Variants in P2RY12 observed in about 807,000 individuals in gnomAD.
P2RY12 encodes the protein P2Y purinoceptor 12.
In P2RY12, 3 loss-of-function variants were observed where a neutral mutation model predicts 4.5. The observed-to-expected ratio is 0.67, with a 90% CI of 0.31 to 1.74. P2RY12 has a LOEUF of 1.74. Ranked by LOEUF, P2RY12 falls within the 40% of genes most tolerant of loss-of-function variation. P2RY12 has a pLI of 0.09. For missense variants in P2RY12, 356 were observed against 407.8 expected, an observed-to-expected ratio of 0.87 and a Z score of 1.09; for synonymous variants, 148 against 154.1, an observed-to-expected ratio of 0.96 and a Z score of 0.29.
intron 1 of P2RY12, among the ~76,000 whole-genome samples, chr3:151,360,319 T>C (rs1299327576): frequency 6.6e-6 from 1 of 152,184 alleles, no homozygotes; most frequent in African/African-American, 2.4e-5. Context: ...AAAAATTATA[T>C]TGTACTGAGT....
chr3:151,380,722 A>T (rs1712148630), intron 1 of P2RY12, among the ~76,000 whole-genome samples: 1 of 152,198 alleles, frequency 6.6e-6, no homozygotes. Flanking sequence ...CTTTATATTA[A>T]TGAGATATAT....
chr3:151,361,730 C>T (rs151046232), intron 1 of P2RY12, among the ~76,000 whole-genome samples: 1 of 152,194 alleles, frequency 6.6e-6, no homozygotes, highest in African/African-American at 2.4e-5. Flanking sequence ...GTGCTTTGCT[C>T]TTGAAATCAC....
At chr3:151,374,479 C>T (rs1488191949) in intron 1 of P2RY12, among the ~76,000 whole-genome samples, 3 of 152,184 alleles carry the variant, frequency 2.0e-5, no homozygotes, top group East Asian at 1.9e-4. Context: ...AACTGGGAGG[C>T]GGAGGTTGCA....
chr3:151,360,723 C>A, intron 1 of P2RY12: 1 of 939,862 alleles, frequency 1.1e-6, no homozygotes, highest in Non-Finnish European at 1.6e-6. Flanking sequence ...ATCTATTAGG[C>A]AGTAATTTTG....
chr3:151,379,563 A>C (rs1417247186), intron 1 of P2RY12, among the ~76,000 whole-genome samples: 19 of 152,222 alleles, frequency 1.2e-4, no homozygotes, highest in Admixed American at 1.2e-3. Flanking sequence ...AGGGGTCGCC[A>C]GCAAGTACAC....
intron 1 of P2RY12, among the ~76,000 whole-genome samples, chr3:151,368,971 C>T (rs368404029): frequency 6.6e-6 from 1 of 152,044 alleles, no homozygotes; most frequent in South Asian, 2.1e-4. Flanking sequence ...CTGTGTTGGC[C>T]AGACTGGTCT....
chr3:151,338,963 GGTTT>G, intron 2 of P2RY12, 104 bp from the exon 3 acceptor site: 1 of 975,376 alleles, frequency 1.0e-6, no homozygotes, highest in Non-Finnish European at 1.6e-6. Flanking sequence ...TAAAAGTTGA[GGTTT>G]CTCATCTTCA....
chr3:151,355,948 A>G (rs754105411), intron 1 of P2RY12: 10 of 1,614,016 alleles, frequency 6.2e-6, no homozygotes, highest in East Asian at 2.2e-5. Flanking sequence ...GGAACATCCT[A>G]TCATCTCCCT....
chr3:151,364,455 A>T (rs1755034249), intron 1 of P2RY12, among the ~76,000 whole-genome samples: 4 of 152,304 alleles, frequency 2.6e-5, no homozygotes, highest in South Asian at 4.1e-4. Context: ...ATGTAAGTTC[A>T]TTGAAGACAA....
At chr3:151,339,307 C>T (rs563624922) in intron 2 of P2RY12, among the ~76,000 whole-genome samples, 90 of 151,444 alleles carry the variant, frequency 5.9e-4, no homozygotes, top group African/African-American at 2.0e-3. Flanking sequence ...ACTGTAGTAC[C>T]GTCAAAACAG....
rs1751197118 is a variant in P2RY12, at chr3:151,337,718, A to C, written c.*99T>G. On this transcript the variant is annotated 3_prime_UTR_variant, in exon 3 of 3. Coordinates refer to ENST00000302632, the MANE Select transcript of P2RY12 (RefSeq NM_022788.5). Reference sequence around the variant, plus strand: ...CTGTTTCTTTAGAGTCATTATTATTAACTTAGTTGCTTCTTCGTCAGTTAA... The same window carrying C: ...CTGTTTCTTTAGAGTCATTATTATTCACTTAGTTGCTTCTTCGTCAGTTAA... 1.2e-5 allele frequency: 14 copies of C among 1,177,546 alleles called. No individual in the cohort carries two copies. Among genetic ancestry groups the C allele is most frequent in the Non-Finnish European group, 1.5e-5 (12 of 813,986 alleles). 72.9% of individuals were successfully genotyped at this position (1,177,546 alleles called of 1,614,324 possible). A position where few individuals can be genotyped will look rare whatever the true frequency, so the allele number is the denominator to read the frequency against.
chr3:151,372,415 T>A (rs1756302708), intron 1 of P2RY12: 6 of 618,230 alleles, frequency 9.7e-6, no homozygotes, highest in Non-Finnish European at 1.7e-5. Flanking sequence ...TTTATGCTCT[T>A]GATCCATTCT....
chr3:151,384,424 A>G (rs180804986), intron 1 of P2RY12, among the ~76,000 whole-genome samples: 2 of 152,382 alleles, frequency 1.3e-5, no homozygotes, highest in Non-Finnish European at 2.9e-5. Context: ...AAACAATTAC[A>G]TTATAAAACA....
At chr3:151,344,057 C>G (rs1752237762) in intron 1 of P2RY12, among the ~76,000 whole-genome samples, 2 of 152,000 alleles carry the variant, frequency 1.3e-5, no homozygotes, top group African/African-American at 4.8e-5. Flanking sequence ...CAACAGGTTC[C>G]AAAAGTAACG....
chr3:151,345,587 G>A (rs945729981), intron 1 of P2RY12, among the ~76,000 whole-genome samples: 33 of 144,288 alleles, frequency 2.3e-4, no homozygotes, highest in African/African-American at 7.2e-4. Context: ...GCACCATCTC[G>A]GCTCACTGCA....
chr3:151,383,301 G>A lies in P2RY12; in HGVS notation c.-180+1391C>T, dbSNP rs1162798249. Among the ~76,000 whole-genome samples, 3 of 152,316 alleles carry A rather than the reference G, an allele frequency of 2.0e-5. No individual in the cohort carries two copies. The East Asian group carries it at 5.8e-4, about 29-fold the overall frequency. On this transcript the variant is annotated intron_variant, in intron 1 of 2. Coordinates refer to ENST00000302632, the MANE Select transcript of P2RY12 (RefSeq NM_022788.5). Reference sequence around the variant, plus strand: ...TGTTTCTAACCTTGTCCCAACACGTGAACTGGTAGGTGTGCGGGCCAAGCC... The same window carrying A: ...TGTTTCTAACCTTGTCCCAACACGTAAACTGGTAGGTGTGCGGGCCAAGCC...
intron 1 of P2RY12, chr3:151,355,886 A>C (rs754912030): frequency 1.3e-6 from 2 of 1,599,514 alleles, no homozygotes; most frequent in Non-Finnish European, 1.7e-6. Flanking sequence ...TTTTGTTTTT[A>C]TTTGCACAGA....
intron 1 of P2RY12, among the ~76,000 whole-genome samples, chr3:151,341,769 T>C (rs1751863608): frequency 2.1e-5 from 3 of 142,678 alleles, no homozygotes; most frequent in African/African-American, 2.6e-5. Flanking sequence ...AGTGTTTCCC[T>C]TCCTGTGTCC....
rs1010615704 is a variant in P2RY12, at chr3:151,358,112, A to T, written c.-179-17352T>A. Reference sequence around the variant, plus strand: ...GTTCTTTGGTTTTATAGTACCTTTTATTTTTTTAATCTAGCACATGTAATC... The same window carrying T: ...GTTCTTTGGTTTTATAGTACCTTTTTTTTTTTTAATCTAGCACATGTAATC... On this transcript the variant is annotated intron_variant, in intron 1 of 2. Coordinates refer to ENST00000302632, the MANE Select transcript of P2RY12 (RefSeq NM_022788.5). Among the ~76,000 whole-genome samples the T allele has an allele frequency of 2.0e-5, 3 of 151,950 alleles. No homozygotes were observed. In the South Asian group the frequency reaches 6.2e-4, roughly 32 times the overall value.
Sources: gnomAD v4.1 joint callset for allele counts (sites outside exome capture counted in the v4.1 genomes callset) on GRCh38, gnomAD v4.1.1 for gene constraint, MANE v1.5 for transcripts, NCBI Gene and HGNC (gene_info 2026-07-23, HGNC 2026-07-21) for gene names.